Variants in NCALD observed in about 807,000 individuals in gnomAD.
The protein encoded by NCALD is neurocalcin-delta.
Under a neutral mutation model 18.6 loss-of-function variants are expected in NCALD, and 10 were observed. That is an observed-to-expected ratio of 0.54 (90% CI 0.33 to 0.91). NCALD has a LOEUF of 0.91. NCALD is among the 40% of genes least tolerant of loss of function. The pLI, the probability that NCALD is intolerant of heterozygous loss-of-function variation, is 0.03. For missense variants in NCALD, 184 were observed against 247.6 expected (o/e 0.74, Z 1.72); for synonymous variants, 88 against 87.4 (o/e 1.01, Z -0.04).
At chr8:101,777,375 A>C (rs1487918077) in intron 1 of NCALD, among the ~76,000 whole-genome samples, 2 of 152,152 alleles carry the variant, frequency 1.3e-5, no homozygotes, top group African/African-American at 4.8e-5. Context: ...TTAGTGGTCT[A>C]ATTTAGGTTT....
rs566523181 is a variant in NCALD, at chr8:101,702,577, C to T, written c.379-9681G>A. Among the ~76,000 whole-genome samples, 151 of 152,322 alleles carry T rather than the reference C, an allele frequency of 9.9e-4. 1 individual carries two copies. Among genetic ancestry groups the T allele is most frequent in the African/African-American group, 3.6e-3 (149 of 41,570 alleles). Reference sequence around the variant, plus strand: ...AATGAGAATGTCCAAGATCTGTACACTGTACTCTCTGCACACTAGGGGAGC... The same window carrying T: ...AATGAGAATGTCCAAGATCTGTACATTGTACTCTCTGCACACTAGGGGAGC... On this transcript the variant is annotated intron_variant, in intron 2 of 3. Transcript: ENST00000220931.
chr8:101,841,348 C>T (rs1814635446), intron 4 of NCALD, among the ~76,000 whole-genome samples: 2 of 152,182 alleles, frequency 1.3e-5, no homozygotes, highest in Non-Finnish European at 2.9e-5. Context: ...TTGCTGTCCT[C>T]CTAATAGCCA....
chr8:101,844,453 G>A lies in NCALD; in HGVS notation c.-20+42688C>T, dbSNP rs190755309. On this transcript the variant is annotated intron_variant, in intron 4 of 6. Coordinates refer to the NCALD transcript ENST00000311028. ...AGCTCACCACAGCTTCAACCCCTGGGCTCTAGCAATCCTTCTGCCTCATTT... is the reference window on the plus strand; with the variant it reads ...AGCTCACCACAGCTTCAACCCCTGGACTCTAGCAATCCTTCTGCCTCATTT... Among the ~76,000 whole-genome samples, 154 of 151,894 alleles carry A rather than the reference G, an allele frequency of 1.0e-3. 1 individual carries two copies. The highest frequency in any genetic ancestry group is 6.8e-4 in the Non-Finnish European group (46 of 67,968).
intron 3 of NCALD, among the ~76,000 whole-genome samples, chr8:101,895,960 G>A (rs375757096): frequency 6.6e-6 from 1 of 150,782 alleles, no homozygotes; most frequent in Non-Finnish European, 1.5e-5. Flanking sequence ...TATAGATTCA[G>A]TGCCATCCCC....
intron 4 of NCALD, among the ~76,000 whole-genome samples, chr8:101,822,228 A>G (rs902729623): frequency 1.3e-5 from 2 of 152,216 alleles, no homozygotes; most frequent in African/African-American, 4.8e-5. Context: ...TTAAATATTA[A>G]GTAAGTTGAA....
At chr8:102,039,629 G>A (rs1380630133) in intron 1 of NCALD, among the ~76,000 whole-genome samples, 1 of 152,130 alleles carries the variant, frequency 6.6e-6, no homozygotes, top group Non-Finnish European at 1.5e-5. Context: ...GCTCAGTCCA[G>A]TTCCTTGACC....
chr8:102,117,799 A>AC (rs1563632821), intron 1 of NCALD, among the ~76,000 whole-genome samples: 1 of 152,198 alleles, frequency 6.6e-6, no homozygotes, highest in Non-Finnish European at 1.5e-5. Context: ...AGGCACCCAC[A>AC]CCACCTATTG....
intron 4 of NCALD, among the ~76,000 whole-genome samples, chr8:101,819,851 G>A (rs1382292567): frequency 6.6e-6 from 1 of 152,222 alleles, no homozygotes; most frequent in Non-Finnish European, 1.5e-5. Flanking sequence ...ACACTGCCAG[G>A]AGCACAGGAG....
chr8:101,833,793 C>T (rs1166046988), intron 4 of NCALD, among the ~76,000 whole-genome samples: 3 of 151,758 alleles, frequency 2.0e-5, no homozygotes, highest in Non-Finnish European at 4.4e-5. Context: ...GTTTAAAATA[C>T]AATTTGTAAT....
intron 2 of NCALD, among the ~76,000 whole-genome samples, chr8:101,957,187 A>T (rs1455535697): frequency 2.0e-5 from 3 of 152,096 alleles, no homozygotes; most frequent in African/African-American, 7.2e-5. Flanking sequence ...GCAATCAATT[A>T]TAAACATTCT....
chr8:101,900,598 T>G (rs1188986650), intron 3 of NCALD, among the ~76,000 whole-genome samples: 2 of 152,026 alleles, frequency 1.3e-5, no homozygotes, highest in East Asian at 3.8e-4. Flanking sequence ...CTTTGAAACT[T>G]TCTTTTTGAC....
intron 3 of NCALD, among the ~76,000 whole-genome samples, chr8:101,901,421 A>G (rs1186755509): frequency 6.6e-6 from 1 of 151,362 alleles, no homozygotes; most frequent in African/African-American, 2.4e-5. Flanking sequence ...TTTGTTCTCT[A>G]CTTTTTTTCC....
At chr8:101,925,074 T>C (rs1201767823) in intron 2 of NCALD, among the ~76,000 whole-genome samples, 1 of 151,468 alleles carries the variant, frequency 6.6e-6, no homozygotes, top group Non-Finnish European at 1.5e-5. Context: ...GAAAAAAAAA[T>C]AACACAAAGA....
chr8:101,716,143 A>T (rs1338471885), intron 2 of NCALD, among the ~76,000 whole-genome samples: 2 of 152,238 alleles, frequency 1.3e-5, no homozygotes, highest in Admixed American at 1.3e-4. Context: ...TAGCCACAAA[A>T]AAAGAATAAA....
intron 4 of NCALD, among the ~76,000 whole-genome samples, chr8:101,883,866 G>C (rs763604245): frequency 6.6e-6 from 1 of 152,086 alleles, no homozygotes; most frequent in Non-Finnish European, 1.5e-5. Context: ...TTTTGTCTTG[G>C]GTATATTGGC....
intron 1 of NCALD, among the ~76,000 whole-genome samples, chr8:102,063,158 A>G (rs967796985): frequency 3.9e-5 from 6 of 152,222 alleles, no homozygotes; most frequent in African/African-American, 1.4e-4. Flanking sequence ...AAAGGATTAT[A>G]TTGTTTTGCT....
At position 101,689,302 on chromosome 8, in the gene NCALD, G is replaced by A. The variant is rs374433219; in HGVS notation, c.*7C>T. The stretch of plus-strand genomic sequence containing the variant: ...CAGCTCTACAATTCGATTGGTGGGC[G>A]CAGGGCTCAGAACTGGCCGGCACTG... On this transcript the variant is annotated 3_prime_UTR_variant, in exon 4 of 4. Transcript: ENST00000220931. This position sits in a 1 kb window ranked among gnomAD's most constrained non-coding sequence, Gnocchi z 4.4. The A allele has an allele frequency of 5.3e-5, 85 of 1,612,838 alleles. No homozygotes were observed. The South Asian group carries it at 6.9e-4, about 13-fold the overall frequency.
intron 3 of NCALD, chr8:101,691,056 G>A (rs1294892767): frequency 1.7e-5 from 17 of 985,286 alleles, no homozygotes; most frequent in South Asian, 9.4e-5. Flanking sequence ...AGAGCAACAG[G>A]CAAGCTAAAT....
chr8:102,056,573 G>A (rs1823659263), intron 1 of NCALD, among the ~76,000 whole-genome samples: 1 of 152,238 alleles, frequency 6.6e-6, no homozygotes, highest in Non-Finnish European at 1.5e-5. Context: ...TCATGGTGAG[G>A]AGGCCAGGCT....
Sources: allele counts gnomAD v4.1 joint callset (sites outside exome capture counted in the v4.1 genomes callset), GRCh38; gene constraint gnomAD v4.1.1; non-coding constraint Gnocchi (gnomAD v3.1); transcripts MANE v1.5; gene names NCBI Gene and HGNC (gene_info 2026-07-23, HGNC 2026-07-21).